EXOC3L2: variants seen among roughly 807,000 people sequenced by gnomAD.
The protein encoded by EXOC3L2 is exocyst complex component 3-like protein 2.
Under a neutral mutation model 44.4 loss-of-function variants are expected in EXOC3L2, and 17 were observed. That is an observed-to-expected ratio of 0.38 (90% confidence interval 0.26 to 0.57). EXOC3L2 has a LOEUF of 0.57. Among genes scored for constraint, EXOC3L2 ranks in the 20% least tolerant of loss-of-function variants. The pLI, the probability that EXOC3L2 is intolerant of heterozygous loss-of-function variation, is 0.65. For missense variants in EXOC3L2, 541 were observed against 588.4 expected, an observed-to-expected ratio of 0.92 and a Z score of 0.83; for synonymous variants, 256 against 253.7, an observed-to-expected ratio of 1.01 and a Z score of -0.09.
At chr19:45,213,482 T>A in intron 11 of EXOC3L2, 125 bp from the exon 12 acceptor site, 1 of 1,144,578 alleles carries the variant, frequency 8.7e-7, no homozygotes, top group Non-Finnish European at 1.2e-6. Flanking sequence ...GGGGCCTCTG[T>A]GTCCCCTCCA....
intron 1 of EXOC3L2, among the ~76,000 whole-genome samples, chr19:45,242,144 A>G (rs1003429355): frequency 6.6e-6 from 1 of 152,224 alleles, no homozygotes; most frequent in Non-Finnish European, 1.5e-5. Flanking sequence ...GGTGCTTTTT[A>G]AAACAATGAA....
chr19:45,217,954 G>A (rs1223158366), intron 9 of EXOC3L2, among the ~76,000 whole-genome samples: 3 of 151,866 alleles, frequency 2.0e-5, no homozygotes, highest in Non-Finnish European at 4.4e-5. Context: ...ACTCTCAGGG[G>A]CCCTGACTCA....
At chr19:45,226,747 CTTTTTTTTTTTTTT>C (rs957385712) in intron 7 of EXOC3L2, among the ~76,000 whole-genome samples, 1 of 90,672 alleles carries the variant, frequency 1.1e-5, no homozygotes, top group African/African-American at 6.1e-5. Flanking sequence ...ACTCCCATCT[CTTTTTTTTTTTTTT>C]TTTTTTTTTG....
chr19:45,223,976 A>C (rs944748562), intron 8 of EXOC3L2, among the ~76,000 whole-genome samples: 2 of 152,134 alleles, frequency 1.3e-5, no homozygotes, highest in Non-Finnish European at 2.9e-5. Flanking sequence ...CCTGGGCGAC[A>C]CAGGGAGACT....
At position 45,212,463 on chromosome 19, in the gene EXOC3L2, G is replaced by A. The variant is rs1969783882; in HGVS notation, c.*606C>T. Among the ~76,000 whole-genome samples, 1 of 152,150 alleles carries A rather than the reference G, an allele frequency of 6.6e-6. No homozygotes were observed. The highest frequency in any genetic ancestry group is 2.4e-5 in the African/African-American group (1 of 41,432). ...CCTTGAGGTGAGGGAAAGGGGCGGGGGAGCTGGGATATTTCTGTAGAGACT... is the reference window on the plus strand; with the variant it reads ...CCTTGAGGTGAGGGAAAGGGGCGGGAGAGCTGGGATATTTCTGTAGAGACT... On this transcript the variant is annotated 3_prime_UTR_variant, in exon 12 of 12. Coordinates refer to ENST00000413988, the MANE Select transcript of EXOC3L2 (RefSeq NM_001382422.1).
chr19:45,237,367 C>G (rs902441736), intron 2 of EXOC3L2, among the ~76,000 whole-genome samples: 1 of 151,898 alleles, frequency 6.6e-6, no homozygotes, highest in Non-Finnish European at 1.5e-5. Context: ...CAGGTGTGAT[C>G]ATATGTGCCT....
intron 7 of EXOC3L2, among the ~76,000 whole-genome samples, chr19:45,225,545 G>A (rs1319103353): frequency 6.6e-6 from 1 of 152,052 alleles, no homozygotes; most frequent in African/African-American, 2.4e-5. Context: ...TGGGATTACA[G>A]GCATGAGCCG....
At position 45,234,968 on chromosome 19, in the gene EXOC3L2, G is replaced by A; in HGVS notation, c.524-142C>T. 2.6e-6 allele frequency: 1 copy of A among 378,884 alleles called. No homozygotes were observed. Among genetic ancestry groups the A allele is most frequent in the Non-Finnish European group, 4.7e-6 (1 of 213,296 alleles). 23.5% of individuals were successfully genotyped at this position (378,884 alleles called of 1,614,324 possible). A position where few individuals can be genotyped will look rare whatever the true frequency, so the allele number is the denominator to read the frequency against. On this transcript the variant is annotated intron_variant, in intron 2 of 11. Coordinates refer to ENST00000413988, the MANE Select transcript of EXOC3L2 (RefSeq NM_001382422.1). The surrounding 1 kb of genome is among the most constrained non-coding windows in gnomAD (Gnocchi z 5.0). ...CGGGAAAGTGTGGGGGCAGAGAAGA[G>A]CCCGGAGAAGAGCAAGAAAGAAGGA...
chr19:45,212,381 A>G lies in EXOC3L2; in HGVS notation c.*688T>C, dbSNP rs1969782776. 6.6e-6 allele frequency among the ~76,000 whole-genome samples: 1 copy of G among 152,164 alleles called. No individual in the cohort carries two copies. The highest frequency in any genetic ancestry group is 1.5e-5 in the Non-Finnish European group (1 of 68,044). On this transcript the variant is annotated 3_prime_UTR_variant, in exon 12 of 12. Transcript: ENST00000413988. ...GACTCAGCCCTTCCTTGTGTTAAATAGAAACCTCTTTATTCTAAGTATCGA... is the reference window on the plus strand; with the variant it reads ...GACTCAGCCCTTCCTTGTGTTAAATGGAAACCTCTTTATTCTAAGTATCGA...
In EXOC3L2 at chr19:45,212,839, A is replaced by G. The variant is rs919155376; in HGVS notation, c.*230T>C. ...GGTCTTGAACTCCTGGGCTCAAGCA[A>G]TCCTCCGGCCTCAGCCTCCCAAAGT... On this transcript the variant is annotated 3_prime_UTR_variant, in exon 12 of 12. Coordinates refer to ENST00000413988, the MANE Select transcript of EXOC3L2 (RefSeq NM_001382422.1). 12 of 462,488 alleles carry G rather than the reference A, an allele frequency of 2.6e-5. No homozygotes were observed. Among genetic ancestry groups the G allele is most frequent in the African/African-American group, 2.3e-4 (11 of 48,730 alleles). 28.6% of individuals were successfully genotyped at this position (462,488 alleles called of 1,614,324 possible).
At chr19:45,235,324 A>G (rs899927682) in intron 2 of EXOC3L2, among the ~76,000 whole-genome samples, 4 of 151,982 alleles carry the variant, frequency 2.6e-5, no homozygotes, top group African/African-American at 9.7e-5. Flanking sequence ...AAAAAGAGAG[A>G]GGGGGAAAAG....
At chr19:45,219,314 G>T (rs1053342189) in intron 8 of EXOC3L2, among the ~76,000 whole-genome samples, 2 of 147,038 alleles carry the variant, frequency 1.4e-5, no homozygotes, top group Non-Finnish European at 3.0e-5. Context: ...AGGATGGCTT[G>T]AGCCCAGGAG....
Position 45,218,326 on chromosome 19 carries a change from G to C in EXOC3L2, c.1720-7C>G. The stretch of plus-strand genomic sequence containing the variant: ...TCAGCTTGTTGAAGTGTGGCTGGCA[G>C]GGACAGAGTAGGGGGTCACGCTCTC... On this transcript the variant is annotated splice_region_variant and splice_polypyrimidine_tract_variant and intron_variant, in intron 8 of 11. Transcript: ENST00000413988. 6.3e-7 allele frequency: 1 copy of C among 1,597,600 alleles called. No homozygotes were observed. Among genetic ancestry groups the C allele is most frequent in the Non-Finnish European group, 8.5e-7 (1 of 1,171,326 alleles).
intron 1 of EXOC3L2, among the ~76,000 whole-genome samples, chr19:45,241,477 CAAAAAAAAA>C (rs554632176): frequency 0.034 from 3,205 of 94,822 alleles, 55 homozygotes; most frequent in Non-Finnish European, 0.047. Flanking sequence ...GACTCCATCT[CAAAAAAAAA>C]AAAAAAAAAA....
chr19:45,242,174 A>G (rs746704908), intron 1 of EXOC3L2, among the ~76,000 whole-genome samples: 8 of 152,184 alleles, frequency 5.3e-5, no homozygotes, highest in Non-Finnish European at 7.4e-5. Context: ...ACATTCGGAA[A>G]AGTACAGAAG....
chr19:45,231,867 G>T lies in EXOC3L2; in HGVS notation c.1165C>A (p.Leu389Ile). The T allele has an allele frequency of 6.3e-7, 1 of 1,591,786 alleles. No homozygotes were observed. Among genetic ancestry groups the T allele is most frequent in the African/African-American group, 1.3e-5 (1 of 74,632 alleles). Residue 389 changes from leucine (L) to isoleucine (I), a missense_variant, in exon 4 of 12, where the codon CTA becomes ATA. Leu to Ile is a conservative substitution (Grantham distance 5, BLOSUM62 2). Coordinates refer to ENST00000413988, the MANE Select transcript of EXOC3L2 (RefSeq NM_001382422.1). ...WHNQVYPREV[L>I]GLVDMAALEN... ...AGGGCGGCCATGTCCACCAGCCCTA[G>T]GACCTCTCTGGGGATGGGGGTGAGA... is the stretch of plus-strand genomic sequence containing the variant.
chr19:45,243,301 A>G (rs1370830100), intron 1 of EXOC3L2, among the ~76,000 whole-genome samples: 1 of 152,230 alleles, frequency 6.6e-6, no homozygotes, highest in Admixed American at 6.5e-5. Flanking sequence ...AGGTCAGGAC[A>G]GGGTCAGGAT....
chr19:45,217,128 T>A (rs1040906582), intron 10 of EXOC3L2, among the ~76,000 whole-genome samples: 22 of 151,950 alleles, frequency 1.4e-4, no homozygotes, highest in African/African-American at 4.8e-4. Flanking sequence ...TTCAAGCGAT[T>A]CTCCTGCCTC....
chr19:45,231,956 C>T, intron 3 of EXOC3L2, 82 bp from the exon 4 acceptor site: 1 of 824,236 alleles, frequency 1.2e-6, no homozygotes, highest in Non-Finnish European at 1.8e-6. Flanking sequence ...CTCCTACCCA[C>T]TGTTTCTGTG....
Sources: allele counts gnomAD v4.1 joint callset (sites outside exome capture counted in the v4.1 genomes callset), GRCh38; gene constraint gnomAD v4.1.1; non-coding constraint Gnocchi (gnomAD v3.1); transcripts MANE v1.5; gene names NCBI Gene and HGNC (gene_info 2026-07-23, HGNC 2026-07-21).